The following EMX1 variants were observed in gnomAD, a reference collection of about 807,000 sequenced individuals.
EMX1 encodes homeobox protein EMX1.
A neutral mutation model predicts 20.1 loss-of-function variants in EMX1; 10 were observed. That is an observed-to-expected ratio of 0.50 (90% CI 0.31 to 0.84). EMX1 has a LOEUF of 0.84. Among genes scored for constraint, EMX1 ranks in the 40% least tolerant of loss-of-function variants. The pLI is 0.05. For missense variants in EMX1, 424 were observed against 431.9 expected, an observed-to-expected ratio of 0.98 and a Z score of 0.16; for synonymous variants, 250 against 200.4, an observed-to-expected ratio of 1.25 and a Z score of -2.09.
chr2:72,925,982 T>G, intron 2 of EMX1: 1 of 985,332 alleles, frequency 1.0e-6, no homozygotes, highest in Non-Finnish European at 1.2e-6. Flanking sequence ...AAAAATAAGT[T>G]AATAAAATAA....
intron 2 of EMX1, chr2:72,932,934 AGCTGCCCGTGAAGGGCAGAAT>A (rs1190804990): frequency 2.0e-5 from 3 of 152,376 alleles, no homozygotes; most frequent in East Asian, 1.9e-4. Context: ...GAAGGTCTGG[AGCTGCCCGTGAAGGGCAGAAT>A]GCTGCCCTCA....
At chr2:72,927,804 G>A (rs1671228615) in intron 2 of EMX1, among the ~76,000 whole-genome samples, 1 of 152,244 alleles carries the variant, frequency 6.6e-6, no homozygotes, top group East Asian at 1.9e-4. Flanking sequence ...CAATAAACAT[G>A]TATTGAATTA....
intron 2 of EMX1, chr2:72,925,745 A>C: frequency 1.0e-6 from 1 of 985,362 alleles, no homozygotes; most frequent in Non-Finnish European, 1.2e-6. Context: ...CCCAAACTTC[A>C]TCCGCAGCTT....
intron 2 of EMX1, 30 bp downstream of exon 2, chr2:72,924,523 C>A: frequency 6.5e-7 from 1 of 1,529,624 alleles, no homozygotes; most frequent in Non-Finnish European, 8.8e-7. Context: ...GCCTGCCCTG[C>A]GCCCGGAGCC....
chr2:72,926,933 A>G (rs151148228), intron 2 of EMX1, among the ~76,000 whole-genome samples: 1 of 152,176 alleles, frequency 6.6e-6, no homozygotes, highest in Non-Finnish European at 1.5e-5. Flanking sequence ...AGGCAAGCTT[A>G]CCTGTCATTT....
intron 1 of EMX1, among the ~76,000 whole-genome samples, chr2:72,919,885 A>G (rs1480610106): frequency 6.6e-6 from 1 of 152,212 alleles, no homozygotes; most frequent in East Asian, 1.9e-4. Context: ...AAATTGAGCA[A>G]TCTACCCTGG....
rs1295960916 is a variant in EMX1 at position 72,918,069 on chromosome 2, G to A, written c.217G>A (p.Ala73Thr). ...GAGSHLLAAA[A>T]SEEPLRPTAL... ...GGGCTCCCATCTCCTGGCGGCGGCCGCCTCCGAGGAACCGCTCCGGCCCAC... is the reference window on the plus strand; with the variant it reads ...GGGCTCCCATCTCCTGGCGGCGGCCACCTCCGAGGAACCGCTCCGGCCCAC... Residue 73 changes from alanine (A) to threonine (T), a missense_variant, in exon 1 of 3, where the codon GCC (alanine) becomes ACC (threonine). Around this residue, in one of 2 missense-constraint regions of EMX1, gnomAD observed 333 missense variants for 296.6 expected, o/e 1.12. Transcript: ENST00000258106. The A allele has an allele frequency of 3.5e-6, 5 of 1,418,354 alleles. No homozygotes were observed. The highest frequency in any genetic ancestry group is 3.2e-5 in the Admixed American group (1 of 31,590). 87.9% of individuals were successfully genotyped at this position (1,418,354 alleles called of 1,614,324 possible).
chr2:72,917,588 C>T lies in EMX1; in HGVS notation c.-265C>T. ...GTGCGGGGACACCGGGGGCTGGGGTCGGTCCCAGCGGGACTCCGAAAGGAG... is the reference window on the plus strand; with the variant it reads ...GTGCGGGGACACCGGGGGCTGGGGTTGGTCCCAGCGGGACTCCGAAAGGAG... On this transcript the variant is annotated 5_prime_UTR_variant, in exon 1 of 3. Coordinates refer to ENST00000258106, the MANE Select transcript of EMX1 (RefSeq NM_004097.3). The T allele has an allele frequency of 4.7e-6, 1 of 210,756 alleles. No individual in the cohort carries two copies. The highest frequency in any genetic ancestry group is 9.3e-6 in the Non-Finnish European group (1 of 107,852). 13.1% of individuals were successfully genotyped at this position (210,756 alleles called of 1,614,324 possible). A position where few individuals can be genotyped will look rare whatever the true frequency, so the allele number is the denominator to read the frequency against.
intron 1 of EMX1, among the ~76,000 whole-genome samples, chr2:72,920,362 C>T (rs1671079521): frequency 6.6e-6 from 1 of 152,248 alleles, no homozygotes; most frequent in Non-Finnish European, 1.5e-5. Context: ...CGAGTCTGGA[C>T]GCGGAGATGG....
rs931503908 is a variant in EMX1, at chr2:72,934,191, G to A, written c.*237G>A. 21 of 529,680 alleles carry A rather than the reference G, an allele frequency of 4.0e-5. No homozygotes were observed. Among genetic ancestry groups the A allele is most frequent in the Non-Finnish European group, 5.9e-5 (18 of 303,718 alleles). The allele number at this position is 529,680 out of a possible 1,614,324, so 32.8% of individuals were successfully genotyped here. A position where few individuals can be genotyped will look rare whatever the true frequency, so the allele number is the denominator to read the frequency against. On this transcript the variant is annotated 3_prime_UTR_variant, in exon 3 of 3. Transcript: ENST00000258106. ...AGAGCCTGCCTGCCTGGGCGGGCCC[G>A]CCCGCCACCGCAGCCTCCCAGCTGC...
upstream of EMX1, chr2:72,916,330 C>G (rs1222016123): frequency 6.6e-6 from 2 of 301,856 alleles, no homozygotes; most frequent in Non-Finnish European, 1.3e-5. Context: ...CGCGCCCAGG[C>G]AGCGCTCAGG....
chr2:72,924,347 C>G lies in EMX1; in HGVS notation c.559C>G (p.Pro187Ala), dbSNP rs1003235389. Residue 187 changes from proline (P) to alanine (A), a missense_variant, in exon 2 of 3, where the codon CCC (proline) becomes GCC (alanine). Pro to Ala is a conservative substitution (Grantham distance 27, BLOSUM62 -1). Transcript: ENST00000258106. ...VPQDGLLLHG[P>A]FARKPKRIRT... ...CCAGGACGGGCTGCTTCTGCACGGC[C>G]CCTTCGCACGCAAGCCCAAGCGGAT... 2.5e-6 allele frequency: 4 copies of G among 1,583,162 alleles called. No individual in the cohort carries two copies. In the South Asian group the frequency reaches 4.6e-5, roughly 18 times the overall value.
At chr2:72,932,551 C>T (rs775633268) in intron 2 of EMX1, among the ~76,000 whole-genome samples, 48 of 152,184 alleles carry the variant, frequency 3.2e-4, no homozygotes, top group Non-Finnish European at 6.6e-4. Context: ...TTCTCCACAG[C>T]CCACAAGCAC....
chr2:72,919,473 G>C (rs943788798), intron 1 of EMX1, among the ~76,000 whole-genome samples: 3 of 152,180 alleles, frequency 2.0e-5, no homozygotes, highest in African/African-American at 7.2e-5. Flanking sequence ...CAAATGAAAG[G>C]GACATGGCTG....
intron 2 of EMX1, chr2:72,926,447 C>A: frequency 2.6e-6 from 1 of 379,012 alleles, no homozygotes; most frequent in Non-Finnish European, 3.6e-6. Context: ...CTGCTTTTTG[C>A]ATATGGTACA....
At chr2:72,924,276 CT>C in intron 1 of EMX1, 32 bp from the exon 2 acceptor site, 1 of 1,551,476 alleles carries the variant, frequency 6.4e-7, no homozygotes, top group Non-Finnish European at 8.7e-7. Flanking sequence ...CTGTCTGTAC[CT>C]GCGTGTGTTG....
At chr2:72,932,005 C>T (rs1671295361) in intron 2 of EMX1, among the ~76,000 whole-genome samples, 1 of 152,234 alleles carries the variant, frequency 6.6e-6, no homozygotes, top group South Asian at 2.1e-4. Flanking sequence ...CTGCAGGGCA[C>T]AGGGGCCAGG....
At chr2:72,918,397 G>T (rs1373724754) in intron 1 of EMX1, 25 bp downstream of exon 1, 1 of 1,365,270 alleles carries the variant, frequency 7.3e-7, no homozygotes, top group Non-Finnish European at 9.4e-7. Context: ...TGTGCCCGCC[G>T]AGGCGGCCGG....
chr2:72,919,018 T>C (rs1671050600), intron 1 of EMX1, among the ~76,000 whole-genome samples: 1 of 152,206 alleles, frequency 6.6e-6, no homozygotes, highest in Non-Finnish European at 1.5e-5. Context: ...CTTCCGCCGT[T>C]GCTCGCCGCC....
Sources: gnomAD v4.1 joint callset for allele counts (sites outside exome capture counted in the v4.1 genomes callset) on GRCh38, gnomAD v4.1.1 for gene constraint, gnomAD v4.1.1 regional missense constraint, MANE v1.5 for transcripts, NCBI Gene and HGNC (gene_info 2026-07-23, HGNC 2026-07-21) for gene names.